Variants in KCNH1 observed in about 807,000 individuals in gnomAD.
KCNH1 encodes voltage-gated delayed rectifier potassium channel KCNH1.
In KCNH1, 27 loss-of-function variants were observed where a neutral mutation model predicts 69.2. The observed-to-expected ratio is 0.39, with a 90% confidence interval of 0.29 to 0.54. KCNH1 has a LOEUF of 0.54. KCNH1 is among the 20% of genes least tolerant of loss of function. KCNH1 has a pLI of 0.68. For missense variants in KCNH1, 798 were observed against 1,261.6 expected, an observed-to-expected ratio of 0.63 and a Z score of 5.57; for synonymous variants, 456 against 487.7, an observed-to-expected ratio of 0.93 and a Z score of 0.86.
At chr1:210,696,650 C>T (rs932915838) in intron 10 of KCNH1, among the ~76,000 whole-genome samples, 4 of 152,188 alleles carry the variant, frequency 2.6e-5, no homozygotes, top group Non-Finnish European at 5.9e-5. Context: ...TTATGGGGGG[C>T]ACTGGCTAAT....
At chr1:210,897,525 C>G (rs941040270) in intron 7 of KCNH1, among the ~76,000 whole-genome samples, 2 of 152,120 alleles carry the variant, frequency 1.3e-5, no homozygotes, top group African/African-American at 4.8e-5. Flanking sequence ...GACACCCCTG[C>G]CCTCTGTTCC....
At chr1:211,049,696 G>A (rs1482672255) in intron 5 of KCNH1, among the ~76,000 whole-genome samples, 1 of 152,180 alleles carries the variant, frequency 6.6e-6, no homozygotes, top group Non-Finnish European at 1.5e-5. Flanking sequence ...AGGCAAGGAG[G>A]CCTGCTACAA....
At chr1:211,049,987 T>C (rs1241242758) in intron 5 of KCNH1, among the ~76,000 whole-genome samples, 5 of 152,044 alleles carry the variant, frequency 3.3e-5, no homozygotes, top group Admixed American at 2.6e-4. Flanking sequence ...TGCTCACCAC[T>C]TGCCACCAAA....
chr1:211,089,533 C>T (rs1017591603), intron 4 of KCNH1, among the ~76,000 whole-genome samples: 3 of 152,212 alleles, frequency 2.0e-5, no homozygotes, highest in African/African-American at 4.8e-5. Context: ...ATTTTAAATA[C>T]CCTCAGAGGA....
rs373201845 is a variant in KCNH1 at position 210,695,899 on chromosome 1, C to T, written c.2113-11761G>A. Among the ~76,000 whole-genome samples, 14 of 152,326 alleles carry T rather than the reference C, an allele frequency of 9.2e-5. No individual in the cohort carries two copies. The South Asian group carries it at 2.9e-3, about 32-fold the overall frequency. On this transcript the variant is annotated intron_variant, in intron 10 of 10. Transcript: ENST00000271751. Reference sequence around the variant, plus strand: ...CCAGACTCCCTTGCCGGCTAGTTTCCTGTTAGGGTCTGCCAGTGGCAGCTC... The same window carrying T: ...CCAGACTCCCTTGCCGGCTAGTTTCTTGTTAGGGTCTGCCAGTGGCAGCTC...
intron 7 of KCNH1, among the ~76,000 whole-genome samples, chr1:210,884,070 T>C (rs1203086188): frequency 1.3e-5 from 2 of 152,112 alleles, no homozygotes; most frequent in Admixed American, 1.3e-4. Flanking sequence ...GTGAGACGCA[T>C]GCACAGAAAA....
intron 10 of KCNH1, among the ~76,000 whole-genome samples, chr1:210,699,802 C>CTAT (rs1681730368): frequency 6.6e-6 from 1 of 152,110 alleles, no homozygotes; most frequent in African/African-American, 2.4e-5. Context: ...ACTTGGGTTA[C>CTAT]TATTATTTAT....
chr1:210,809,760 T>C (rs1157072107), intron 7 of KCNH1, among the ~76,000 whole-genome samples: 1 of 152,194 alleles, frequency 6.6e-6, no homozygotes, highest in African/African-American at 2.4e-5. Flanking sequence ...TCAGTGATTA[T>C]CAGTGGTGGA....
intron 6 of KCNH1, among the ~76,000 whole-genome samples, chr1:210,930,424 T>C (rs1383588877): frequency 6.6e-6 from 1 of 151,712 alleles, no homozygotes; most frequent in African/African-American, 2.4e-5. Context: ...AAACAAAAAA[T>C]AAAGTGGGGA....
At chr1:210,840,487 C>T (rs1208260832) in intron 7 of KCNH1, among the ~76,000 whole-genome samples, 1 of 152,154 alleles carries the variant, frequency 6.6e-6, no homozygotes, top group Non-Finnish European at 1.5e-5. Context: ...CTGCGGCAGG[C>T]AGGAGGGGGG....
intron 5 of KCNH1, among the ~76,000 whole-genome samples, chr1:211,038,853 A>G (rs1219309197): frequency 1.3e-5 from 2 of 152,246 alleles, no homozygotes; most frequent in Non-Finnish European, 2.9e-5. Flanking sequence ...GGGAAACAGC[A>G]TAAAAGTTCA....
intron 10 of KCNH1, among the ~76,000 whole-genome samples, chr1:210,763,551 C>T (rs898385656): frequency 6.6e-5 from 10 of 152,230 alleles, no homozygotes; most frequent in East Asian, 3.9e-4. Context: ...AAATCAGTAG[C>T]ATTTCTATAC....
intron 3 of KCNH1, among the ~76,000 whole-genome samples, chr1:211,101,790 C>T (rs1201719602): frequency 6.6e-6 from 1 of 152,234 alleles, no homozygotes; most frequent in African/African-American, 2.4e-5. Context: ...GTGCCTATTT[C>T]ACAGAGATTA....
At chr1:210,982,058 T>C (rs1688720375) in intron 6 of KCNH1, among the ~76,000 whole-genome samples, 1 of 151,874 alleles carries the variant, frequency 6.6e-6, no homozygotes, top group African/African-American at 2.4e-5. Context: ...AGAAAATTGG[T>C]CTGGGGGTCA....
chr1:211,027,460 C>T (rs574784248), intron 5 of KCNH1, among the ~76,000 whole-genome samples: 18 of 148,372 alleles, frequency 1.2e-4, no homozygotes, highest in Non-Finnish European at 2.6e-4. Context: ...TAAAAGTTGC[C>T]GTGCCTGGTG....
chr1:210,889,499 C>T (rs914309061), intron 7 of KCNH1, among the ~76,000 whole-genome samples: 3 of 152,200 alleles, frequency 2.0e-5, no homozygotes, highest in Non-Finnish European at 2.9e-5. Flanking sequence ...CAGCACAGAA[C>T]AGGGATGCCC....
intron 7 of KCNH1, among the ~76,000 whole-genome samples, chr1:210,911,691 G>C (rs1687235847): frequency 1.3e-5 from 2 of 150,318 alleles, no homozygotes; most frequent in South Asian, 4.2e-4. Flanking sequence ...TATAAGATCA[G>C]AGACAATGAC....
intron 4 of KCNH1, among the ~76,000 whole-genome samples, chr1:211,087,519 A>G (rs550898187): frequency 2.6e-4 from 39 of 152,050 alleles, no homozygotes; most frequent in Non-Finnish European, 4.4e-4. Flanking sequence ...AAAAAGCAAG[A>G]GAAGGAACAA....
At chr1:210,895,179 C>A (rs1686839159) in intron 7 of KCNH1, among the ~76,000 whole-genome samples, 1 of 148,086 alleles carries the variant, frequency 6.8e-6, no homozygotes, top group Non-Finnish European at 1.5e-5. Flanking sequence ...TTTTTTCAGG[C>A]AAGAGGGTAA....
Sources: gnomAD v4.1 joint callset for allele counts (sites outside exome capture counted in the v4.1 genomes callset) on GRCh38, gnomAD v4.1.1 for gene constraint, MANE v1.5 for transcripts, NCBI Gene and HGNC (gene_info 2026-07-23, HGNC 2026-07-21) for gene names.